NECTIN2: variants seen among roughly 807,000 people sequenced by gnomAD.
The protein encoded by NECTIN2 is nectin cell adhesion molecule 2, also known as nectin-2.
Under a neutral mutation model 56.9 loss-of-function variants are expected in NECTIN2, and 23 were observed. The observed-to-expected ratio is 0.40, with a 90% CI of 0.29 to 0.57. The LOEUF (loss-of-function observed/expected upper bound fraction) is 0.57. Among genes scored for constraint, NECTIN2 ranks in the 20% least tolerant of loss-of-function variants. NECTIN2 has a pLI of 0.38. For missense variants in NECTIN2, 587 were observed against 718.3 expected, an observed-to-expected ratio of 0.82 and a Z score of 2.09; for synonymous variants, 302 against 313.8, an observed-to-expected ratio of 0.96 and a Z score of 0.40.
chr19:44,884,164 C>A (rs1969336147), intron 6 of NECTIN2, among the ~76,000 whole-genome samples: 1 of 151,814 alleles, frequency 6.6e-6, no homozygotes, highest in Admixed American at 6.6e-5. Flanking sequence ...GCGAGCTATG[C>A]AAAATTTGTT....
intron 5 of NECTIN2, 174 bp from the exon 6 acceptor site, chr19:44,882,037 A>T (rs766486394): frequency 8.6e-6 from 4 of 466,674 alleles, no homozygotes; most frequent in Non-Finnish European, 1.1e-5. Context: ...CATGCGGGGC[A>T]CACATCCTCG....
intron 1 of NECTIN2, among the ~76,000 whole-genome samples, chr19:44,853,704 G>T (rs1235724959): frequency 6.6e-6 from 1 of 152,104 alleles, no homozygotes; most frequent in Non-Finnish European, 1.5e-5. Flanking sequence ...GGCCAGGCTG[G>T]TCTCAAACTC....
chr19:44,866,173 T>TAA (rs57550705), intron 2 of NECTIN2, among the ~76,000 whole-genome samples: 2 of 143,116 alleles, frequency 1.4e-5, no homozygotes, highest in African/African-American at 2.6e-5. Context: ...AGACTCGGTC[T>TAA]AAAAAAAAAA....
rs1233302121 is a variant in NECTIN2, at chr19:44,882,233, A to G, written c.1065A>G (p.Ala355=). The G allele has an allele frequency of 1.3e-6, 2 of 1,518,950 alleles. No individual in the cohort carries two copies. Among genetic ancestry groups the G allele is most frequent in the East Asian group, 2.5e-5 (1 of 39,518 alleles). 94.1% of individuals were successfully genotyped at this position (1,518,950 alleles called of 1,614,324 possible). A position where few individuals can be genotyped will look rare whatever the true frequency, so the allele number is the denominator to read the frequency against. The change falls in exon 6 of 9, where the codon GCA becomes GCG. Residue 355 remains alanine, a synonymous_variant. Transcript: ENST00000252483. ...CAGAGACCCCCAACACAGCAGGCGC[A>G]GGGGCCACAGGCGGCATCATCGGGG... The part of the protein sequence containing the change: ...FVRETPNTAG[A]GATGGIIGGI...
In NECTIN2 at chr19:44,874,348, G is replaced by C. The variant is rs74533957; in HGVS notation, c.912G>C (p.Pro304=). Residue 304 remains proline (P), a synonymous_variant, in exon 5 of 9, where the codon CCG becomes CCC. Coordinates refer to ENST00000252483, the MANE Select transcript of NECTIN2 (RefSeq NM_001042724.2). The surrounding 1 kb of genome is among the most constrained non-coding windows in gnomAD (Gnocchi z 6.3). ...CCTCCAGGACCTCAGGCACCTTCCCGACCTCCGCAGTGGCCCAGGGCTCCC... is the reference window on the plus strand; with the variant it reads ...CCTCCAGGACCTCAGGCACCTTCCCCACCTCCGCAGTGGCCCAGGGCTCCC... The part of the protein sequence containing the change: ...YDWSTTSGTF[P]TSAVAQGSQL... The C allele has an allele frequency of 5.6e-6, 9 of 1,613,960 alleles. No individual in the cohort carries two copies. Among genetic ancestry groups the C allele is most frequent in the African/African-American group, 2.7e-5 (2 of 74,892 alleles).
chr19:44,864,022 C>CA (rs57248964), intron 1 of NECTIN2, among the ~76,000 whole-genome samples: 55 of 148,288 alleles, frequency 3.7e-4, no homozygotes, highest in South Asian at 1.3e-3. Flanking sequence ...TCCCCCCCCC[C>CA]AAAAAAAAAT....
intron 1 of NECTIN2, among the ~76,000 whole-genome samples, chr19:44,856,854 A>G (rs1020699207): frequency 6.6e-6 from 1 of 152,150 alleles, no homozygotes; most frequent in Non-Finnish European, 1.5e-5. Context: ...GTGGGCTGCT[A>G]CTTCCCAACT....
At chr19:44,863,706 A>G (rs937145091) in intron 1 of NECTIN2, among the ~76,000 whole-genome samples, 2 of 151,774 alleles carry the variant, frequency 1.3e-5, no homozygotes, top group African/African-American at 2.4e-5. Flanking sequence ...TTAGCCAGGC[A>G]TGGTGGCGGG....
At chr19:44,864,395 G>T (rs1262935150) in intron 1 of NECTIN2, among the ~76,000 whole-genome samples, 1 of 152,052 alleles carries the variant, frequency 6.6e-6, no homozygotes, top group East Asian at 1.9e-4. Context: ...GTCTCACTCT[G>T]TTGCCCAGGC....
intron 7 of NECTIN2, 23 bp from the exon 8 acceptor site, chr19:44,886,110 T>G (rs1599929429): frequency 6.3e-7 from 1 of 1,595,330 alleles, no homozygotes; most frequent in South Asian, 1.1e-5. Flanking sequence ...GTTCCTGACC[T>G]CCCCGCCCCT....
At chr19:44,876,572 G>GA (rs1229006940) in intron 5 of NECTIN2, among the ~76,000 whole-genome samples, 6 of 152,100 alleles carry the variant, frequency 3.9e-5, no homozygotes, top group Admixed American at 3.9e-4. Flanking sequence ...GCCACAGCCA[G>GA]AGGAGACACA....
chr19:44,878,286 T>G, intron 5 of NECTIN2: 1 of 1,298,066 alleles, frequency 7.7e-7, no homozygotes, highest in Non-Finnish European at 1.1e-6. Context: ...GGGGGGACAC[T>G]GCTGGTGCTG....
In NECTIN2 at chr19:44,865,569, G is replaced by A. The variant is rs756586853; in HGVS notation, c.387G>A (p.Gly129=). 4 of 1,554,352 alleles carry A rather than the reference G, an allele frequency of 2.6e-6. No homozygotes were observed. The East Asian group carries it at 9.7e-5, about 38-fold the overall frequency. The change falls in exon 2 of 9, where the codon GGG becomes GGA. Residue 129 remains glycine, a synonymous_variant. Transcript: ENST00000252483. This position sits in a 1 kb window ranked among gnomAD's most constrained non-coding sequence, Gnocchi z 5.2. ...ELQDATLALH[G]LTVEDEGNYT... ...AGGACGCCACGCTGGCCCTCCACGGGCTCACGGTGGAGGACGAGGGCAACT... is the reference window on the plus strand; with the variant it reads ...AGGACGCCACGCTGGCCCTCCACGGACTCACGGTGGAGGACGAGGGCAACT...
intron 1 of NECTIN2, among the ~76,000 whole-genome samples, chr19:44,849,905 A>G (rs1968880883): frequency 6.6e-6 from 1 of 152,204 alleles, no homozygotes; most frequent in Non-Finnish European, 1.5e-5. Flanking sequence ...CTCTGAATAT[A>G]CAAAAGCCAC....
rs761271274 is a variant in NECTIN2 at position 44,888,343 on chromosome 19, C to A, written c.1581C>A (p.Gly527=). The A allele has an allele frequency of 9.9e-6, 16 of 1,613,664 alleles. No homozygotes were observed. In the Admixed American group the frequency reaches 1.0e-4, roughly 10 times the overall value. Residue 527 remains glycine (G), a synonymous_variant, in exon 9 of 9, where the codon GGC becomes GGA. Coordinates refer to ENST00000252483, the MANE Select transcript of NECTIN2 (RefSeq NM_001042724.2). The stretch of plus-strand genomic sequence containing the variant: ...GCAGCCCCTCTGATTCCTACCAGGG[C>A]AAAGGCTTTGTCATGTCCCGGGCCA... ...SYSSPSDSYQ[G]KGFVMSRAMY...
At chr19:44,873,587 C>T (rs997451233) in intron 3 of NECTIN2, among the ~76,000 whole-genome samples, 5 of 152,060 alleles carry the variant, frequency 3.3e-5, no homozygotes, top group African/African-American at 7.3e-5. Flanking sequence ...AAACCAGGAT[C>T]ACCCCACTGC....
intron 5 of NECTIN2, chr19:44,878,521 A>G (rs747889685): frequency 6.2e-7 from 1 of 1,614,140 alleles, no homozygotes; most frequent in East Asian, 2.2e-5. Context: ...AAGAGAAGGC[A>G]GAGAAAGGCC....
intron 5 of NECTIN2, among the ~76,000 whole-genome samples, chr19:44,876,013 T>C (rs535189265): frequency 6.6e-6 from 1 of 152,152 alleles, no homozygotes; most frequent in South Asian, 2.1e-4. Flanking sequence ...AGGAATGTCA[T>C]CCCTCACTCA....
At chr19:44,857,336 G>C (rs571987511) in intron 1 of NECTIN2, among the ~76,000 whole-genome samples, 1 of 149,834 alleles carries the variant, frequency 6.7e-6, no homozygotes, top group South Asian at 2.1e-4. Context: ...CGGGCTCCTG[G>C]CCTTGAGTGA....
Sources: gnomAD v4.1 joint callset for allele counts (sites outside exome capture counted in the v4.1 genomes callset) on GRCh38, gnomAD v4.1.1 for gene constraint, Gnocchi (gnomAD v3.1) non-coding constraint, MANE v1.5 for transcripts, NCBI Gene and HGNC (gene_info 2026-07-23, HGNC 2026-07-21) for gene names.